Variants in DOCK1 observed in about 807,000 individuals in gnomAD.
DOCK1 encodes the protein dedicator of cytokinesis protein 1.
Under a neutral mutation model 262.7 loss-of-function variants are expected in DOCK1, and 138 were observed. The ratio of observed to expected loss-of-function variants is 0.53; its 90% CI spans 0.46 to 0.61. DOCK1 has a LOEUF of 0.61. Among genes scored for constraint, DOCK1 ranks in the 20% least tolerant of loss-of-function variants. DOCK1 has a pLI of 0.00. For synonymous variants in DOCK1, 866 were observed against 867.4 expected, an observed-to-expected ratio of 1.00 and a Z score of 0.03; for missense variants, 1,908 against 2,370.7, an observed-to-expected ratio of 0.80 and a Z score of 4.05.
intron 28 of DOCK1, among the ~76,000 whole-genome samples, chr10:127,251,671 G>T (rs1171164002): frequency 4.7e-5 from 7 of 149,986 alleles, no homozygotes; most frequent in Non-Finnish European, 1.0e-4. Context: ...TGAGAATGAT[G>T]ATTTCCAATT....
chr10:127,283,250 G>A (rs868223977), intron 29 of DOCK1, among the ~76,000 whole-genome samples: 11 of 152,334 alleles, frequency 7.2e-5, no homozygotes, highest in Non-Finnish European at 1.2e-4. Context: ...TTCCTTGTCT[G>A]CCACAAGCAG....
rs553171333 is a variant in DOCK1 at position 126,974,973 on chromosome 10, C to T, written c.131-2975C>T. Among the ~76,000 whole-genome samples, 11 of 152,218 alleles carry T rather than the reference C, an allele frequency of 7.2e-5. No homozygotes were observed. In the East Asian group the frequency reaches 1.9e-3, roughly 27 times the overall value. On this transcript the variant is annotated intron_variant, in intron 2 of 51. Coordinates refer to ENST00000623213, the MANE Select transcript of DOCK1 (RefSeq NM_001290223.2). ...TAAATAAAGACACAAAACTCCTTGC[C>T]TTTCATGCCTACTGCTTGGCCCTTC... is the stretch of plus-strand genomic sequence containing the variant.
chr10:126,949,653 C>G (rs1297630133), intron 1 of DOCK1, among the ~76,000 whole-genome samples: 1 of 152,092 alleles, frequency 6.6e-6, no homozygotes, highest in African/African-American at 2.4e-5. Flanking sequence ...TGTTAGACAG[C>G]AAAATGTAGG....
intron 29 of DOCK1, among the ~76,000 whole-genome samples, chr10:127,260,003 C>T (rs1248924596): frequency 6.6e-6 from 1 of 152,144 alleles, no homozygotes; most frequent in Non-Finnish European, 1.5e-5. Context: ...TCTCCAGAGA[C>T]CCTGTCCAGC....
At chr10:127,123,113 C>T (rs1032268983) in intron 25 of DOCK1, among the ~76,000 whole-genome samples, 3 of 152,300 alleles carry the variant, frequency 2.0e-5, no homozygotes, top group South Asian at 2.1e-4. Context: ...CTGGCTGGTC[C>T]GTTAGACCTT....
intron 22 of DOCK1, among the ~76,000 whole-genome samples, chr10:127,057,117 C>G (rs1433202998): frequency 6.6e-6 from 1 of 152,144 alleles, no homozygotes; most frequent in Non-Finnish European, 1.5e-5. Context: ...ACACAGATAT[C>G]TAGGATGTTT....
intron 27 of DOCK1, among the ~76,000 whole-genome samples, chr10:127,140,241 G>A (rs907847764): frequency 6.6e-6 from 1 of 152,108 alleles, no homozygotes; most frequent in Non-Finnish European, 1.5e-5. Context: ...TCACACCAAG[G>A]AACCATGTAA....
intron 27 of DOCK1, among the ~76,000 whole-genome samples, chr10:127,208,798 G>A (rs1252670876): frequency 2.6e-5 from 4 of 152,162 alleles, no homozygotes; most frequent in Non-Finnish European, 4.4e-5. Context: ...ACGTTGAGAT[G>A]TTCTCTAAGA....
chr10:127,168,904 T>C lies in DOCK1; in HGVS notation c.2847+41140T>C, dbSNP rs200110187. Among the ~76,000 whole-genome samples the C allele has an allele frequency of 2.4e-4, 36 of 152,350 alleles. 1 individual carries two copies. In the East Asian group the frequency reaches 6.6e-3, roughly 28 times the overall value. ...CCTTATGCTTCCTCTGTAATTGTGA[T>C]GCAGTATTTATTCTGTTTGGGCATT... On this transcript the variant is annotated intron_variant, in intron 27 of 51. Transcript: ENST00000623213.
intron 13 of DOCK1, among the ~76,000 whole-genome samples, chr10:127,019,859 G>A (rs913066893): frequency 2.6e-5 from 4 of 152,192 alleles, no homozygotes; most frequent in South Asian, 2.1e-4. Flanking sequence ...CTAATGAGCC[G>A]TGGAAACGGG....
rs1288568021 is a variant in DOCK1, at chr10:127,023,286, A to G, written c.1414A>G (p.Thr472Ala). The G allele has an allele frequency of 1.9e-6, 3 of 1,612,580 alleles. No homozygotes were observed. Among genetic ancestry groups the G allele is most frequent in the Middle Eastern group, 1.6e-4 (1 of 6,080 alleles). The change falls in exon 14 of 52, where the codon ACG becomes GCG. Residue 472 changes from threonine to alanine, a missense_variant. By Grantham distance (58) the Thr-to-Ala change is moderately conservative. Transcript: ENST00000623213. ...SKTTAKNVEV[T>A]VSVYDEDGKR... ...AACAACAGCGAAGAACGTGGAGGTC[A>G]CGGTGTCTGTGTACGATGAGGATGG... is the stretch of plus-strand genomic sequence containing the variant.
chr10:127,244,412 T>G (rs1238622080), intron 27 of DOCK1, among the ~76,000 whole-genome samples: 1 of 152,240 alleles, frequency 6.6e-6, no homozygotes, highest in African/African-American at 2.4e-5. Context: ...TTATCAGAAG[T>G]AGAATTACTT....
rs148603870 is a variant in DOCK1, at chr10:127,111,481, C to G, written c.2623+1127C>G. Among the ~76,000 whole-genome samples the G allele has an allele frequency of 2.0e-5, 3 of 152,256 alleles. No individual in the cohort carries two copies. In the East Asian group the frequency reaches 5.8e-4, roughly 29 times the overall value. On this transcript the variant is annotated intron_variant, in intron 25 of 51. Coordinates refer to ENST00000623213, the MANE Select transcript of DOCK1 (RefSeq NM_001290223.2). Reference sequence around the variant, plus strand: ...TCTGGGACTCAAAGCACATGACGCTCCATTGAGCTATTATTCCTGACTGTC... The same window carrying G: ...TCTGGGACTCAAAGCACATGACGCTGCATTGAGCTATTATTCCTGACTGTC...
At chr10:127,068,016 T>A (rs1169714288) in intron 23 of DOCK1, among the ~76,000 whole-genome samples, 2 of 152,114 alleles carry the variant, frequency 1.3e-5, no homozygotes, top group Non-Finnish European at 2.9e-5. Context: ...CTCTTTCCAT[T>A]CTAACCATCA....
intron 38 of DOCK1, among the ~76,000 whole-genome samples, chr10:127,391,602 C>T (rs566137989): frequency 4.2e-5 from 2 of 47,386 alleles, no homozygotes; most frequent in Admixed American, 2.7e-4. Flanking sequence ...TGTCTATGCA[C>T]GTGCCTTAGG....
intron 1 of DOCK1, among the ~76,000 whole-genome samples, chr10:126,909,101 C>T (rs1031179731): frequency 1.5e-4 from 23 of 152,156 alleles, no homozygotes; most frequent in Admixed American, 5.9e-4. Context: ...GGACCATCCA[C>T]GTGGGCACAG....
rs1491540313 is a variant in DOCK1 at position 126,963,633 on chromosome 10, C to CCTTCCTTCCTTCCTTCCTTCCTT, written c.47-7068_47-7067insTTCCTTCCTTCCTTCCTTCCTTC. On this transcript the variant is annotated intron_variant, in intron 1 of 51. Coordinates refer to ENST00000623213, the MANE Select transcript of DOCK1 (RefSeq NM_001290223.2). ...CCCTTCCCTTCCCTTCCCTTCCCTT[C>CCTTCCTTCCTTCCTTCCTTCCTT]CCTTCCCTCCTTCCTTCCTTCCTTC... Among the ~76,000 whole-genome samples the CCTTCCTTCCTTCCTTCCTTCCTT allele has an allele frequency of 2.6e-3, 172 of 65,856 alleles. 5 individuals are homozygous for CCTTCCTTCCTTCCTTCCTTCCTT. Among genetic ancestry groups the CCTTCCTTCCTTCCTTCCTTCCTT allele is most frequent in the African/African-American group, 0.012 (153 of 12,802 alleles). The allele number at this position is 65,856 out of a possible 152,430, so 43.2% of individuals were successfully genotyped here. A position where few individuals can be genotyped will look rare whatever the true frequency, so the allele number is the denominator to read the frequency against.
intron 33 of DOCK1, among the ~76,000 whole-genome samples, chr10:127,362,882 T>TACACATCCCC (rs376564994): frequency 5.5e-4 from 2 of 3,618 alleles, no homozygotes; most frequent in African/African-American, 1.1e-3. Context: ...CACATACACA[T>TACACATCCCC]CCCCACACAC....
At chr10:127,233,012 G>T (rs879530629) in intron 27 of DOCK1, among the ~76,000 whole-genome samples, 4 of 152,310 alleles carry the variant, frequency 2.6e-5, no homozygotes, top group Non-Finnish European at 5.9e-5. Flanking sequence ...GGTGATTAGA[G>T]TTTTTGGTTT....
Sources: gnomAD v4.1 joint callset for allele counts (sites outside exome capture counted in the v4.1 genomes callset) on GRCh38, gnomAD v4.1.1 for gene constraint, MANE v1.5 for transcripts, NCBI Gene and HGNC (gene_info 2026-07-23, HGNC 2026-07-21) for gene names.